The following SDK2 variants were observed in gnomAD, a reference collection of about 807,000 sequenced individuals.
SDK2 encodes sidekick cell adhesion molecule 2.
Under a neutral mutation model 253.9 loss-of-function variants are expected in SDK2, and 105 were observed. The observed-to-expected ratio is 0.41, with a 90% confidence interval of 0.35 to 0.49. The LOEUF is 0.49. Ranked by LOEUF, SDK2 falls within the 20% of genes least tolerant of loss-of-function variation. SDK2 has a pLI of 0.06. For synonymous variants in SDK2, 1,249 were observed against 1,234.9 expected (o/e 1.01, Z -0.24); for missense variants, 2,608 against 3,003.0 (o/e 0.87, Z 3.07).
intron 4 of SDK2, among the ~76,000 whole-genome samples, chr17:73,452,218 T>C (rs915847516): frequency 6.6e-6 from 1 of 152,236 alleles, no homozygotes; most frequent in Admixed American, 6.5e-5. Context: ...TGCTAATCTC[T>C]GCTCTTGCCC....
At position 73,411,866 on chromosome 17, in the gene SDK2, G is replaced by A. The variant is rs192232473; in HGVS notation, c.2484+2778C>T. 2.8e-4 allele frequency among the ~76,000 whole-genome samples: 42 copies of A among 147,942 alleles called. No homozygotes were observed. In the Admixed American group the frequency reaches 2.9e-3, roughly 10 times the overall value. The stretch of plus-strand genomic sequence containing the variant: ...AGCTCACTGCAACTTCCGCCTTCCA[G>A]GTTCAAGCAATTCCCCTGCCTCAGT... On this transcript the variant is annotated intron_variant, in intron 18 of 44. Transcript: ENST00000392650.
At chr17:73,456,822 G>A (rs565920234) in intron 3 of SDK2, among the ~76,000 whole-genome samples, 4 of 152,360 alleles carry the variant, frequency 2.6e-5, no homozygotes, top group Admixed American at 2.6e-4. Context: ...GCGGGACAAG[G>A]GGGTAGGGAG....
At chr17:73,472,307 G>T in intron 2 of SDK2, 89 bp from the exon 3 acceptor site, 1 of 838,650 alleles carries the variant, frequency 1.2e-6, no homozygotes. Context: ...GAGGTCGCCA[G>T]GTCACCCTCT....
Position 73,643,287 on chromosome 17 carries a change from G to A in SDK2, c.64+738C>T, listed in dbSNP as rs2046420888. On this transcript the variant is annotated intron_variant, in intron 1 of 44. Coordinates refer to ENST00000392650, the MANE Select transcript of SDK2 (RefSeq NM_001144952.2). The surrounding 1 kb of genome is among the most constrained non-coding windows in gnomAD (Gnocchi z 6.9). ...GCAGCCACAGGTCACAGCAGCGAGC[G>A]GCTGCACAGACTATCGAGCGAACAG... Among the ~76,000 whole-genome samples, 1 of 152,204 alleles carries A rather than the reference G, an allele frequency of 6.6e-6. No homozygotes were observed. Among genetic ancestry groups the A allele is most frequent in the African/African-American group, 2.4e-5 (1 of 41,458 alleles).
At chr17:73,531,986 TC>T (rs1380585869) in intron 1 of SDK2, among the ~76,000 whole-genome samples, 1 of 152,122 alleles carries the variant, frequency 6.6e-6, no homozygotes, top group Non-Finnish European at 1.5e-5. Context: ...CTAATCTCCA[TC>T]GTGGTGCATT....
Position 73,637,580 on chromosome 17 carries a change from T to C in SDK2, c.64+6445A>G, listed in dbSNP as rs867326692. On this transcript the variant is annotated intron_variant, in intron 1 of 44. Transcript: ENST00000392650. ...TTTTAGTAGAGACAGGGTTTTGCCA[T>C]GTTGGCCAAGCTGGTCTCAAACTCC... is the stretch of plus-strand genomic sequence containing the variant. Among the ~76,000 whole-genome samples, 6 of 152,310 alleles carry C rather than the reference T, an allele frequency of 3.9e-5. No individual in the cohort carries two copies. In the Middle Eastern group the frequency reaches 0.014, roughly 345 times the overall value.
intron 1 of SDK2, among the ~76,000 whole-genome samples, chr17:73,552,097 C>G (rs776892891): frequency 6.6e-6 from 1 of 152,168 alleles, no homozygotes; most frequent in African/African-American, 2.4e-5. Flanking sequence ...AGCCTGTCCC[C>G]CCTGTCTGGG....
chr17:73,408,823 T>C (rs2063102703), intron 18 of SDK2, among the ~76,000 whole-genome samples: 1 of 152,176 alleles, frequency 6.6e-6, no homozygotes, highest in Admixed American at 6.5e-5. Context: ...ATTTAGATCC[T>C]GAAGCAAATA....
chr17:73,536,976 C>T (rs1374203534), intron 1 of SDK2, among the ~76,000 whole-genome samples: 3 of 152,074 alleles, frequency 2.0e-5, no homozygotes, highest in Non-Finnish European at 4.4e-5. Flanking sequence ...GTTGGAGGAC[C>T]GCTGGGTGGA....
At chr17:73,580,210 G>C (rs2045515584) in intron 1 of SDK2, among the ~76,000 whole-genome samples, 1 of 152,140 alleles carries the variant, frequency 6.6e-6, no homozygotes, top group Admixed American at 6.5e-5. Flanking sequence ...CCTGCAGTGG[G>C]TTCTCCTTTC....
At chr17:73,548,145 C>T (rs1215328092) in intron 1 of SDK2, among the ~76,000 whole-genome samples, 1 of 152,196 alleles carries the variant, frequency 6.6e-6, no homozygotes, top group African/African-American at 2.4e-5. Flanking sequence ...GGACACAGAG[C>T]CAAACCCTAT....
At chr17:73,382,255 C>T (rs1246868227) in intron 33 of SDK2, among the ~76,000 whole-genome samples, 3 of 151,978 alleles carry the variant, frequency 2.0e-5, no homozygotes, top group African/African-American at 7.3e-5. Flanking sequence ...CTTAAACTGA[C>T]CCCTCTCCTG....
chr17:73,635,694 C>G (rs533725401), intron 1 of SDK2, among the ~76,000 whole-genome samples: 4 of 152,280 alleles, frequency 2.6e-5, no homozygotes, highest in African/African-American at 9.6e-5. Flanking sequence ...TACATGGCAT[C>G]AAACTTTAAT....
chr17:73,536,585 A>G (rs2044777689), intron 1 of SDK2, among the ~76,000 whole-genome samples: 1 of 152,152 alleles, frequency 6.6e-6, no homozygotes, highest in South Asian at 2.1e-4. Flanking sequence ...CCACACAGAG[A>G]CAGCTGGGGC....
chr17:73,408,639 A>T (rs2063100799), intron 18 of SDK2, among the ~76,000 whole-genome samples: 1 of 152,224 alleles, frequency 6.6e-6, no homozygotes, highest in Admixed American at 6.5e-5. Flanking sequence ...CCCCACAGGG[A>T]TGCAATCAGC....
In SDK2 at chr17:73,338,104, A is replaced by G. The variant is rs532715919; in HGVS notation, c.*483T>C. 23 of 253,464 alleles carry G rather than the reference A, an allele frequency of 9.1e-5. 1 individual carries two copies. Among genetic ancestry groups the G allele is most frequent in the South Asian group, 9.0e-4 (23 of 25,496 alleles). 15.7% of individuals were successfully genotyped at this position (253,464 alleles called of 1,614,324 possible). Reference sequence around the variant, plus strand: ...AGGGAAGGAGGAGCAGAGAGAGAAGATAGGCGTGGCCTCCGGGATGCCCAT... The same window carrying G: ...AGGGAAGGAGGAGCAGAGAGAGAAGGTAGGCGTGGCCTCCGGGATGCCCAT... On this transcript the variant is annotated 3_prime_UTR_variant, in exon 45 of 45. Transcript: ENST00000392650. This position sits in a 1 kb window ranked among gnomAD's most constrained non-coding sequence, Gnocchi z 5.0.
intron 1 of SDK2, among the ~76,000 whole-genome samples, chr17:73,637,022 C>T (rs1228603486): frequency 6.6e-6 from 1 of 152,150 alleles, no homozygotes; most frequent in Admixed American, 6.5e-5. Flanking sequence ...GCTGACAGAG[C>T]TTGAACCCAG....
In SDK2 at chr17:73,584,672, C is replaced by T. The variant is rs552563302; in HGVS notation, c.64+59353G>A. 3.8e-4 allele frequency among the ~76,000 whole-genome samples: 56 copies of T among 148,090 alleles called. No individual in the cohort carries two copies. In the South Asian group the frequency reaches 0.012, roughly 32 times the overall value. On this transcript the variant is annotated intron_variant, in intron 1 of 44. Transcript: ENST00000392650. ...TATTCCTGGCTCTGCCACTGACTTA[C>T]AGAGTGAGCTTGGGCAGAGGGTGAT... is the stretch of plus-strand genomic sequence containing the variant.
At chr17:73,424,445 A>G (rs2063262814) in intron 12 of SDK2, among the ~76,000 whole-genome samples, 1 of 152,218 alleles carries the variant, frequency 6.6e-6, no homozygotes, top group African/African-American at 2.4e-5. Context: ...GAAAGATTAC[A>G]GCTGAAAAAA....
Sources: gnomAD v4.1 joint callset for allele counts (sites outside exome capture counted in the v4.1 genomes callset) on GRCh38, gnomAD v4.1.1 for gene constraint, Gnocchi (gnomAD v3.1) non-coding constraint, MANE v1.5 for transcripts, NCBI Gene and HGNC (gene_info 2026-07-23, HGNC 2026-07-21) for gene names.